Variants in PRKCB observed in about 807,000 individuals in gnomAD.
The protein encoded by PRKCB is protein kinase C beta type.
Under a neutral mutation model 81.5 loss-of-function variants are expected in PRKCB, and 13 were observed. That is an observed-to-expected ratio of 0.16 (90% CI 0.10 to 0.25). The LOEUF is 0.25. PRKCB is among the 10% of genes least tolerant of loss of function. The pLI is 1.00. For missense variants in PRKCB, 509 were observed against 875.7 expected, an observed-to-expected ratio of 0.58 and a Z score of 5.29; for synonymous variants, 335 against 321.4, an observed-to-expected ratio of 1.04 and a Z score of -0.45.
At chr16:24,192,753 CT>C (rs1967813208) in intron 16 of PRKCB, among the ~76,000 whole-genome samples, 1 of 152,154 alleles carries the variant, frequency 6.6e-6, no homozygotes, top group Non-Finnish European at 1.5e-5. Context: ...CTCCTGAGCA[CT>C]TTAGGAATGA....
intron 13 of PRKCB, among the ~76,000 whole-genome samples, chr16:24,184,588 T>C (rs984099267): frequency 1.3e-5 from 2 of 152,218 alleles, no homozygotes; most frequent in African/African-American, 2.4e-5. Flanking sequence ...CAAATATTAG[T>C]CATAATTTTT....
intron 3 of PRKCB, among the ~76,000 whole-genome samples, chr16:24,026,560 C>T (rs1331404959): frequency 7.9e-5 from 12 of 152,138 alleles, no homozygotes; most frequent in Admixed American, 7.9e-4. Flanking sequence ...CTCACAAGGC[C>T]TTGAGGAACT....
intron 9 of PRKCB, among the ~76,000 whole-genome samples, chr16:24,127,172 A>C (rs920823724): frequency 6.6e-6 from 1 of 150,830 alleles, no homozygotes; most frequent in Non-Finnish European, 1.5e-5. Flanking sequence ...ACGCCCAGCT[A>C]ATTTTCCACT....
chr16:23,844,312 A>G (rs181938028), intron 2 of PRKCB, among the ~76,000 whole-genome samples: 6 of 152,346 alleles, frequency 3.9e-5, no homozygotes, highest in African/African-American at 1.4e-4. Context: ...TACAACATCC[A>G]CAGTGTTTAC....
chr16:24,045,186 G>GA lies in PRKCB; in HGVS notation c.529+9649dup, dbSNP rs75935255. 2.4e-3 allele frequency among the ~76,000 whole-genome samples: 355 copies of GA among 150,408 alleles called. 1 individual carries two copies. Among genetic ancestry groups the GA allele is most frequent in the African/African-American group, 7.8e-3 (319 of 41,018 alleles). On this transcript the variant is annotated intron_variant, in intron 5 of 16. Transcript: ENST00000643927. Reference sequence around the variant, plus strand: ...ATAAATTGTCTCAACAACAATAGCAGAAAAAAAAAATGAATGGATAATGCC... The same window carrying GA: ...ATAAATTGTCTCAACAACAATAGCAGAAAAAAAAAAATGAATGGATAATGCC...
chr16:24,172,663 T>A (rs1268279435), intron 11 of PRKCB, among the ~76,000 whole-genome samples: 1 of 152,072 alleles, frequency 6.6e-6, no homozygotes, highest in Non-Finnish European at 1.5e-5. Flanking sequence ...CTGGGCACCA[T>A]GACGAGATCT....
At chr16:24,131,337 G>A (rs1397443355) in intron 9 of PRKCB, among the ~76,000 whole-genome samples, 2 of 152,174 alleles carry the variant, frequency 1.3e-5, no homozygotes, top group African/African-American at 4.8e-5. Context: ...ATAATCCCAG[G>A]ACACTGAACC....
rs34117735 is a variant in PRKCB at position 23,950,132 on chromosome 16, ATTTTTTTTTTT to A, written c.206-38360_206-38350del. On this transcript the variant is annotated intron_variant, in intron 2 of 16. Transcript: ENST00000643927. Reference sequence around the variant, plus strand: ...AGCAGCATTGGCCCCTATGATTTGAATTTTTTTTTTTTTTTTTTTTTTTTTTCTGTTGATCC... The same window carrying A: ...AGCAGCATTGGCCCCTATGATTTGAATTTTTTTTTTTTTTTCTGTTGATCC... Among the ~76,000 whole-genome samples, 198 of 97,774 alleles carry A rather than the reference ATTTTTTTTTTT, an allele frequency of 2.0e-3. 7 individuals carry two copies. The highest frequency in any genetic ancestry group is 7.1e-3 in the African/African-American group (171 of 24,120). The allele number at this position is 97,774 out of a possible 152,430, so 64.1% of individuals were successfully genotyped here. A position where few individuals can be genotyped will look rare whatever the true frequency, so the allele number is the denominator to read the frequency against.
intron 2 of PRKCB, among the ~76,000 whole-genome samples, chr16:23,952,608 G>A (rs1486144088): frequency 6.6e-6 from 1 of 152,176 alleles, no homozygotes; most frequent in Non-Finnish European, 1.5e-5. Flanking sequence ...CTCTTTATCT[G>A]TGGCCACATG....
chr16:24,185,047 A>G (rs751554564), intron 13 of PRKCB, 64 bp from the exon 14 acceptor site: 95 of 1,350,208 alleles, frequency 7.0e-5, no homozygotes, highest in Admixed American at 1.2e-4. Flanking sequence ...AAGAAGAGTG[A>G]AATCTGTCTC....
intron 2 of PRKCB, among the ~76,000 whole-genome samples, chr16:23,897,800 T>C (rs1029973335): frequency 2.0e-5 from 3 of 152,168 alleles, no homozygotes; most frequent in Non-Finnish European, 2.9e-5. Context: ...TGCCCTTTCT[T>C]CTGCCATTTC....
chr16:24,152,919 CT>C (rs1274647187), intron 9 of PRKCB, among the ~76,000 whole-genome samples: 4 of 152,082 alleles, frequency 2.6e-5, no homozygotes, highest in Non-Finnish European at 5.9e-5. Context: ...GACAGGGACC[CT>C]CTTCCTAAGG....
intron 2 of PRKCB, among the ~76,000 whole-genome samples, chr16:23,847,483 G>C (rs1339200305): frequency 1.8e-5 from 2 of 111,956 alleles, no homozygotes; most frequent in African/African-American, 3.9e-5. Flanking sequence ...CATCCACCCA[G>C]CTATTCTTCC....
intron 2 of PRKCB, among the ~76,000 whole-genome samples, chr16:23,890,966 GA>G (rs968483015): frequency 6.6e-6 from 1 of 151,652 alleles, no homozygotes; most frequent in Non-Finnish European, 1.5e-5. Flanking sequence ...ATGCCTAGGG[GA>G]AAAAACTGAA....
chr16:23,871,700 C>A (rs972198681), intron 2 of PRKCB, among the ~76,000 whole-genome samples: 2 of 152,000 alleles, frequency 1.3e-5, no homozygotes, highest in African/African-American at 4.8e-5. Context: ...GTTTCAGCCA[C>A]CCGAGTAGTT....
At chr16:24,006,559 G>A (rs1965123989) in intron 3 of PRKCB, among the ~76,000 whole-genome samples, 1 of 152,076 alleles carries the variant, frequency 6.6e-6, no homozygotes, top group Non-Finnish European at 1.5e-5. Context: ...AACCATCTTT[G>A]GTTAACATAA....
intron 9 of PRKCB, among the ~76,000 whole-genome samples, chr16:24,132,185 C>G (rs1966854304): frequency 1.3e-5 from 2 of 152,188 alleles, no homozygotes; most frequent in Non-Finnish European, 2.9e-5. Flanking sequence ...CCCTTAGCAA[C>G]TTTCAGAAAC....
At chr16:24,054,077 A>G (rs1001637812) in intron 5 of PRKCB, among the ~76,000 whole-genome samples, 1 of 152,112 alleles carries the variant, frequency 6.6e-6, no homozygotes, top group Non-Finnish European at 1.5e-5. Context: ...GCCTCAAGCA[A>G]TCCTCCTGCC....
intron 2 of PRKCB, among the ~76,000 whole-genome samples, chr16:23,844,758 C>T (rs893816244): frequency 5.3e-5 from 8 of 151,812 alleles, no homozygotes; most frequent in South Asian, 2.1e-4. Flanking sequence ...CCTCCTGCCT[C>T]GGTCTCCCAA....
Sources: allele counts gnomAD v4.1 joint callset (sites outside exome capture counted in the v4.1 genomes callset), GRCh38; gene constraint gnomAD v4.1.1; transcripts MANE v1.5; gene names NCBI Gene and HGNC (gene_info 2026-07-23, HGNC 2026-07-21).